Variants in LRP1B observed in about 807,000 individuals in gnomAD.
LRP1B encodes the protein low-density lipoprotein receptor-related protein 1B.
A neutral mutation model predicts 556.6 loss-of-function variants in LRP1B; 217 were observed. That is an observed-to-expected ratio of 0.39 (90% CI 0.35 to 0.44). The LOEUF (loss-of-function observed/expected upper bound fraction) is 0.44, where lower values mean the gene tolerates loss of function less well. Among genes scored for constraint, LRP1B ranks in the 20% least tolerant of loss-of-function variants. LRP1B has a pLI of 1.00. For missense variants in LRP1B, 5,053 were observed against 5,620.8 expected (o/e 0.90, Z 3.23); for synonymous variants, 2,047 against 1,865.8 (o/e 1.10, Z -2.50).
At position 141,464,584 on chromosome 2, in the gene LRP1B, G is replaced by GTATATATATATA. The variant is rs1236041290; in HGVS notation, c.343+15800_343+15811dup. On this transcript the variant is annotated intron_variant, in intron 3 of 90. Coordinates refer to ENST00000389484, the MANE Select transcript of LRP1B (RefSeq NM_018557.3). ...CCCGCCACCACGCCTGGCTAATTTTGTATATATATATATATATATATATTT... is the reference window on the plus strand; with the variant it reads ...CCCGCCACCACGCCTGGCTAATTTTGTATATATATATATATATATATATATATATATATATTT... 3.6e-3 allele frequency among the ~76,000 whole-genome samples: 316 copies of GTATATATATATA among 88,390 alleles called. 9 individuals are homozygous for GTATATATATATA. In the South Asian group the frequency reaches 0.038, roughly 11 times the overall value. 58.0% of individuals were successfully genotyped at this position (88,390 alleles called of 152,430 possible).
chr2:142,113,351 T>C (rs1375608), intron 1 of LRP1B, among the ~76,000 whole-genome samples: 139,273 of 152,130 alleles, frequency 0.92, 63,794 homozygotes, highest in East Asian at 1. Context: ...TTATCAGAAG[T>C]TAAACTAATT....
chr2:140,349,457 G>A (rs541393625), intron 77 of LRP1B, among the ~76,000 whole-genome samples: 1 of 151,724 alleles, frequency 6.6e-6, no homozygotes, highest in Non-Finnish European at 1.5e-5. Context: ...TATGTACCTA[G>A]AAAGTTAAAC....
intron 7 of LRP1B, among the ~76,000 whole-genome samples, chr2:141,173,644 A>T (rs1205407877): frequency 2.0e-5 from 3 of 152,114 alleles, no homozygotes; most frequent in Admixed American, 6.6e-5. Context: ...ATAAGGAAAC[A>T]ATTGTCTTCA....
intron 41 of LRP1B, among the ~76,000 whole-genome samples, chr2:140,673,751 C>A (rs749977322): frequency 4.7e-4 from 72 of 152,102 alleles, no homozygotes; most frequent in South Asian, 2.3e-3. Context: ...AAAACTAGTT[C>A]GGGCCGTGAC....
chr2:141,356,476 A>G (rs961221424), intron 3 of LRP1B, among the ~76,000 whole-genome samples: 1 of 152,070 alleles, frequency 6.6e-6, no homozygotes. Context: ...AATACACACT[A>G]CAGAGTATGA....
In LRP1B at chr2:140,488,627, G is replaced by A. The variant is rs558938778; in HGVS notation, c.9121-888C>T. Among the ~76,000 whole-genome samples the A allele has an allele frequency of 4.6e-5, 7 of 152,036 alleles. No homozygotes were observed. In the South Asian group the frequency reaches 1.0e-3, roughly 23 times the overall value. ...AGTTTAATTCTGACTTATTGTTAAA[G>A]ATTATACATTTACTACCTTAAGGAC... On this transcript the variant is annotated intron_variant, in intron 57 of 90. Transcript: ENST00000389484.
At chr2:141,955,679 C>G (rs1182818833) in intron 1 of LRP1B, among the ~76,000 whole-genome samples, 1 of 151,976 alleles carries the variant, frequency 6.6e-6, no homozygotes, top group Non-Finnish European at 1.5e-5. Context: ...TGGGTTCCTT[C>G]CCTCCTGAGT....
chr2:141,288,481 C>T (rs548434929), intron 3 of LRP1B, among the ~76,000 whole-genome samples: 1 of 151,952 alleles, frequency 6.6e-6, no homozygotes, highest in East Asian at 1.9e-4. Flanking sequence ...ACCTAAGTAA[C>T]TTAGAAATGC....
intron 81 of LRP1B, among the ~76,000 whole-genome samples, chr2:140,323,048 T>C (rs1411442197): frequency 6.6e-6 from 1 of 151,790 alleles, no homozygotes; most frequent in East Asian, 1.9e-4. Context: ...GTTTTATCTG[T>C]TGTGAGAAGT....
At chr2:141,686,923 G>A (rs908215748) in intron 2 of LRP1B, among the ~76,000 whole-genome samples, 1 of 151,924 alleles carries the variant, frequency 6.6e-6, no homozygotes, top group Non-Finnish European at 1.5e-5. Flanking sequence ...AGACTCTTCA[G>A]AAAGTTTCCA....
intron 1 of LRP1B, among the ~76,000 whole-genome samples, chr2:142,093,267 C>T (rs1486284486): frequency 6.6e-6 from 1 of 152,058 alleles, no homozygotes; most frequent in Non-Finnish European, 1.5e-5. Flanking sequence ...TTTTCCTTCT[C>T]GCCTTCCCCC....
intron 2 of LRP1B, among the ~76,000 whole-genome samples, chr2:141,496,250 C>T (rs1430406692): frequency 1.3e-5 from 2 of 151,592 alleles, no homozygotes; most frequent in Admixed American, 6.6e-5. Context: ...TGGTAAATGC[C>T]ACATTCAGAG....
chr2:140,925,312 T>A (rs367950865), intron 20 of LRP1B, among the ~76,000 whole-genome samples: 9 of 152,236 alleles, frequency 5.9e-5, no homozygotes, highest in South Asian at 2.1e-4. Flanking sequence ...GCCTAGGCTA[T>A]AACTTGAAAC....
chr2:140,432,352 T>C (rs980370013), intron 66 of LRP1B, among the ~76,000 whole-genome samples: 5 of 152,192 alleles, frequency 3.3e-5, no homozygotes, highest in Non-Finnish European at 7.3e-5. Flanking sequence ...ACAAACAGCC[T>C]TGTTGCTCAC....
At position 141,188,521 on chromosome 2, in the gene LRP1B, C is replaced by T. The variant is rs200031471; in HGVS notation, c.913G>A (p.Asp305Asn). The T allele has an allele frequency of 1.6e-5, 26 of 1,612,638 alleles. No homozygotes were observed. In the African/African-American group the frequency reaches 2.5e-4, roughly 16 times the overall value. ...TTGGAATTACAAACAAAGATCCGGTCACCGACATGGTCCACAAAATAGAGA... is the reference window on the plus strand; with the variant it reads ...TTGGAATTACAAACAAAGATCCGGTTACCGACATGGTCCACAAAATAGAGA... Reference protein sequence around the residue: ...RNLYFVDHVGDRIFVCNSNGS... With the variant: ...RNLYFVDHVGNRIFVCNSNGS... The change falls in exon 7 of 91, where the codon GAC (aspartate) becomes AAC (asparagine). Residue 305 changes from aspartate (D) to asparagine (N), a missense_variant. By Grantham distance (23) the Asp-to-Asn change is conservative. This residue lies in a region of LRP1B where 3,619 missense variants were observed against 3,931.9 expected (regional missense o/e 0.92). Coordinates refer to ENST00000389484, the MANE Select transcript of LRP1B (RefSeq NM_018557.3).
chr2:141,020,157 A>G (rs2105397497), intron 11 of LRP1B, 55 bp from the exon 12 acceptor site: 1 of 1,177,170 alleles, frequency 8.5e-7, no homozygotes, highest in South Asian at 2.1e-5. Flanking sequence ...TAGTAAAATT[A>G]GTGTTCACTA....
At chr2:141,832,552 G>T (rs556139191) in intron 1 of LRP1B, among the ~76,000 whole-genome samples, 1 of 151,760 alleles carries the variant, frequency 6.6e-6, no homozygotes, top group East Asian at 1.9e-4. Context: ...TGAACATTTT[G>T]ACTATGCATT....
chr2:142,039,658 G>C (rs1703999500), intron 1 of LRP1B, among the ~76,000 whole-genome samples: 1 of 151,432 alleles, frequency 6.6e-6, no homozygotes, highest in African/African-American at 2.4e-5. Context: ...TTGGATGTGG[G>C]GATGACTAGT....
At chr2:141,920,274 T>G (rs1357102677) in intron 1 of LRP1B, among the ~76,000 whole-genome samples, 1 of 111,210 alleles carries the variant, frequency 9.0e-6, no homozygotes, top group African/African-American at 3.5e-5. Context: ...TTTCTTCTTT[T>G]TTTTTGGGGG....
Sources: allele counts gnomAD v4.1 joint callset (sites outside exome capture counted in the v4.1 genomes callset), GRCh38; gene constraint gnomAD v4.1.1; regional missense constraint gnomAD v4.1.1; transcripts MANE v1.5; gene names NCBI Gene and HGNC (gene_info 2026-07-23, HGNC 2026-07-21).